Variants in ZNF267 observed in about 807,000 individuals in gnomAD.
ZNF267 encodes the protein zinc finger (C2H2).
ZNF267 carries 61 observed loss-of-function variants against 71.6 expected under a neutral mutation model. The ratio of observed to expected loss-of-function variants is 0.85; its 90% CI spans 0.69 to 1.05. The LOEUF is 1.05. ZNF267 is among the 50% of genes least tolerant of loss of function. ZNF267 has a pLI of 0.00. For synonymous variants in ZNF267, 288 were observed against 293.2 expected (o/e 0.98, Z 0.18); for missense variants, 852 against 870.0 (o/e 0.98, Z 0.26).
chr16:31,892,220 G>C (rs4889567), intron 3 of ZNF267, among the ~76,000 whole-genome samples: 1 of 152,008 alleles, frequency 6.6e-6, no homozygotes. Context: ...GATGGCAGCA[G>C]GCAAAAAGAG....
chr16:31,913,715 A>G (rs1468345563), intron 3 of ZNF267: 1 of 152,316 alleles, frequency 6.6e-6, no homozygotes, highest in East Asian at 1.9e-4. Context: ...GAGCCTCACA[A>G]TGTGTCTGCC....
rs139861900 is a variant in ZNF267, at chr16:31,910,528, G to T, written c.227-3948G>T. Among the ~76,000 whole-genome samples, 1,148 of 151,634 alleles carry T rather than the reference G, an allele frequency of 7.6e-3. 59 individuals carry two copies. The highest frequency in any genetic ancestry group is 0.027 in the African/African-American group (1,090 of 41,098). On this transcript the variant is annotated intron_variant, in intron 3 of 3. Transcript: ENST00000300870. ...CCATTTTTGTTAGATTTTCCAATTA[G>T]TTGGCATACAGTTGTTAATAATAGC...
intron 3 of ZNF267, among the ~76,000 whole-genome samples, chr16:31,906,468 G>C (rs2084091209): frequency 6.6e-6 from 1 of 152,176 alleles, no homozygotes; most frequent in African/African-American, 2.4e-5. Context: ...ACTCAAGCCT[G>C]GGCAATGGTG....
chr16:31,908,360 A>G (rs1273836418), intron 3 of ZNF267, among the ~76,000 whole-genome samples: 1 of 151,992 alleles, frequency 6.6e-6, no homozygotes, highest in Non-Finnish European at 1.5e-5. Flanking sequence ...TTGTTTCTTC[A>G]CTTTATTGAG....
chr16:31,900,956 C>G lies in ZNF267; in HGVS notation c.227-13520C>G, dbSNP rs561092184. The stretch of plus-strand genomic sequence containing the variant: ...CTAATGCTATCCCTCTCCTCTCCCC[C>G]CACCCCACAACGGGCCCCAGTGTGT... On this transcript the variant is annotated intron_variant, in intron 3 of 3. Coordinates refer to ENST00000300870, the MANE Select transcript of ZNF267 (RefSeq NM_003414.6). Among the ~76,000 whole-genome samples the G allele has an allele frequency of 2.6e-5, 4 of 152,142 alleles. No individual in the cohort carries two copies. In the South Asian group the frequency reaches 6.3e-4, roughly 24 times the overall value.
intron 3 of ZNF267, among the ~76,000 whole-genome samples, chr16:31,900,760 T>TC (rs1034124691): frequency 1.5e-4 from 22 of 149,192 alleles, no homozygotes; most frequent in East Asian, 5.8e-4. Flanking sequence ...ATTCTTTCTT[T>TC]TTTTTTTTTT....
intron 3 of ZNF267, chr16:31,912,295 A>G (rs973721751): frequency 1.3e-5 from 2 of 151,616 alleles, no homozygotes; most frequent in South Asian, 2.1e-4. Context: ...CTTCATGGCT[A>G]TGGAATATTT....
Position 31,915,686 on chromosome 16 carries a change from T to C in ZNF267, c.1437T>C (p.Leu479=). 6.2e-7 allele frequency: 1 copy of C among 1,613,820 alleles called. No individual in the cohort carries two copies. The highest frequency in any genetic ancestry group is 1.3e-5 in the African/African-American group (1 of 75,056). The part of the protein sequence containing the change: ...CSKSYARSSN[L]IMHQRVHTGE... ...AATCTTATGCTCGTTCTTCAAATCTTATTATGCATCAGAGAGTTCATACTG... is the reference window on the plus strand; with the variant it reads ...AATCTTATGCTCGTTCTTCAAATCTCATTATGCATCAGAGAGTTCATACTG... The change falls in exon 4 of 4, where the codon CTT becomes CTC. Residue 479 remains leucine, a synonymous_variant. Coordinates refer to ENST00000300870, the MANE Select transcript of ZNF267 (RefSeq NM_003414.6).
chr16:31,892,834 T>C (rs1412968240), intron 3 of ZNF267, among the ~76,000 whole-genome samples: 1 of 152,222 alleles, frequency 6.6e-6, no homozygotes, highest in Non-Finnish European at 1.5e-5. Flanking sequence ...TTGCAGGGTA[T>C]AGCCACCCTC....
chr16:31,884,378 C>G, intron 1 of ZNF267, 120 bp from the exon 2 acceptor site: 1 of 1,242,450 alleles, frequency 8.0e-7, no homozygotes, highest in East Asian at 2.4e-5. Flanking sequence ...TAAAAATGAT[C>G]TTACTGAATA....
chr16:31,894,469 C>A, intron 3 of ZNF267: 1 of 449,802 alleles, frequency 2.2e-6, no homozygotes. Context: ...TTTTTTCTGA[C>A]TATTCTGTTG....
intron 3 of ZNF267, among the ~76,000 whole-genome samples, chr16:31,893,422 C>A (rs2083974932): frequency 6.6e-6 from 1 of 152,252 alleles, no homozygotes; most frequent in African/African-American, 2.4e-5. Context: ...TGGTGATTAA[C>A]ATTCGGCTCT....
At position 31,915,205 on chromosome 16, in the gene ZNF267, A is replaced by G. The variant is rs1024460081; in HGVS notation, c.956A>G (p.Glu319Gly). ...AGAAAGCAGATAATCCATAATGAAG[A>G]GAAACCATACAAATGTGAAAAATGT... ...NLRKQIIHNEEKPYKCEKCGD... is the reference protein window; with the variant it reads ...NLRKQIIHNEGKPYKCEKCGD... Residue 319 changes from glutamate (E) to glycine (G), a missense_variant, in exon 4 of 4, where the codon GAG becomes GGG. Physicochemically the swap from Glu to Gly is moderately conservative, Grantham distance 98. Coordinates refer to ENST00000300870, the MANE Select transcript of ZNF267 (RefSeq NM_003414.6). 8.1e-6 allele frequency: 13 copies of G among 1,613,622 alleles called. No homozygotes were observed. The highest frequency in any genetic ancestry group is 1.1e-5 in the Non-Finnish European group (13 of 1,179,880).
chr16:31,906,925 C>T (rs8060276), intron 3 of ZNF267, among the ~76,000 whole-genome samples: 131,357 of 151,868 alleles, frequency 0.86, 58,854 homozygotes, highest in East Asian at 1. Context: ...GCTCCTCCCC[C>T]CAAAGTTCTT....
chr16:31,879,227 A>T (rs901264499), intron 1 of ZNF267, among the ~76,000 whole-genome samples: 1 of 152,242 alleles, frequency 6.6e-6, no homozygotes, highest in East Asian at 1.9e-4. Flanking sequence ...CTTTGACTAT[A>T]GCCAATTAAA....
rs943359207 is a variant in ZNF267, at chr16:31,874,068, C to T, written c.3+99C>T. On this transcript the variant is annotated intron_variant, in intron 1 of 3. Transcript: ENST00000300870. Reference sequence around the variant, plus strand: ...GGCACCCGGGCCTCCCCGCAGTCAGCCTCGGGGTCTGGGCCCCGAGTCCCA... The same window carrying T: ...GGCACCCGGGCCTCCCCGCAGTCAGTCTCGGGGTCTGGGCCCCGAGTCCCA... The T allele has an allele frequency of 7.9e-6, 11 of 1,395,202 alleles. No homozygotes were observed. The African/African-American group carries it at 1.3e-4, about 16-fold the overall frequency. 86.4% of individuals were successfully genotyped at this position (1,395,202 alleles called of 1,614,324 possible).
At chr16:31,899,400 A>G (rs956149036) in intron 3 of ZNF267, among the ~76,000 whole-genome samples, 4 of 152,248 alleles carry the variant, frequency 2.6e-5, no homozygotes, top group Non-Finnish European at 5.9e-5. Context: ...GCACAACTAC[A>G]TGGAAACTGA....
At position 31,915,369 on chromosome 16, in the gene ZNF267, G is replaced by A. The variant is rs2084167224; in HGVS notation, c.1120G>A (p.Asp374Asn). 2 of 1,613,312 alleles carry A rather than the reference G, an allele frequency of 1.2e-6. No homozygotes were observed. The highest frequency in any genetic ancestry group is 2.2e-5 in the South Asian group (2 of 90,938). ...ATACCTTACTAAACAGCAGCAAATT[G>A]ATACTGGAGAAAACCTTTACAAATG... ...SLYLTKQQQI[D>N]TGENLYKCKA... Residue 374 changes from aspartate (D) to asparagine (N), a missense_variant, in exon 4 of 4, where the codon GAT becomes AAT. By Grantham distance (23) the Asp-to-Asn change is conservative. Coordinates refer to ENST00000300870, the MANE Select transcript of ZNF267 (RefSeq NM_003414.6).
intron 3 of ZNF267, among the ~76,000 whole-genome samples, chr16:31,903,246 C>T (rs1474931508): frequency 6.6e-6 from 1 of 152,086 alleles, no homozygotes; most frequent in Non-Finnish European, 1.5e-5. Flanking sequence ...GTCTAAAATT[C>T]TCTTTTTTTG....
Sources: gnomAD v4.1 joint callset for allele counts (sites outside exome capture counted in the v4.1 genomes callset) on GRCh38, gnomAD v4.1.1 for gene constraint, MANE v1.5 for transcripts, NCBI Gene and HGNC (gene_info 2026-07-23, HGNC 2026-07-21) for gene names.